AFDN: variants seen among roughly 807,000 people sequenced by gnomAD.
AFDN encodes the protein afadin, adherens junction formation factor, also known as afadin.
A neutral mutation model predicts 216.6 loss-of-function variants in AFDN; 68 were observed. The observed-to-expected ratio is 0.31, with a 90% CI of 0.26 to 0.38. The LOEUF is 0.38. Among genes scored for constraint, AFDN ranks in the 10% least tolerant of loss-of-function variants. The pLI is 1.00. For synonymous variants in AFDN, 868 were observed against 853.7 expected, an observed-to-expected ratio of 1.02 and a Z score of -0.29; for missense variants, 2,136 against 2,342.0, an observed-to-expected ratio of 0.91 and a Z score of 1.82.
chr6:167,841,609 T>C (rs184928037), intron 1 of AFDN, among the ~76,000 whole-genome samples: 146 of 152,374 alleles, frequency 9.6e-4, no homozygotes, highest in African/African-American at 3.5e-3. Context: ...GCATTTAATT[T>C]AATTTCTACT....
chr6:167,845,558 T>C (rs1781574155), intron 1 of AFDN, among the ~76,000 whole-genome samples: 1 of 152,088 alleles, frequency 6.6e-6, no homozygotes, highest in Admixed American at 6.6e-5. Flanking sequence ...GTATTTTTAG[T>C]AGAGACAGGG....
intron 20 of AFDN, 102 bp downstream of exon 20, chr6:167,917,334 T>C: frequency 8.3e-7 from 1 of 1,203,912 alleles, no homozygotes; most frequent in East Asian, 2.7e-5. Flanking sequence ...CGTTAACTTA[T>C]TTATTCTCAT....
rs954675798 is a variant in AFDN at position 167,946,889 on chromosome 6, C to T, written c.3541C>T (p.Pro1181Ser). The T allele has an allele frequency of 6.2e-7, 1 of 1,610,628 alleles. No individual in the cohort carries two copies. The highest frequency in any genetic ancestry group is 8.5e-7 in the Non-Finnish European group (1 of 1,179,190). The change falls in exon 27 of 34, where the codon CCC (proline) becomes TCC (serine). Residue 1181 changes from proline (P) to serine (S), a missense_variant. By Grantham distance (74) the Pro-to-Ser change is moderately conservative. Coordinates refer to ENST00000683244, the MANE Select transcript of AFDN (RefSeq NM_001386888.1). ...MKNRADHRSS[P>S]NVANQPPSPG... The stretch of plus-strand genomic sequence containing the variant: ...AAATAGAGCTGATCACCGTTCCAGC[C>T]CCAACGTAGCAAGTAAGAGTGACAC...
At chr6:167,882,393 T>TG (rs1203082676) in intron 6 of AFDN, among the ~76,000 whole-genome samples, 1 of 151,730 alleles carries the variant, frequency 6.6e-6, no homozygotes, top group Non-Finnish European at 1.5e-5. Flanking sequence ...AAGCCAGGCA[T>TG]GGTGGCTCAC....
intron 31 of AFDN, chr6:167,963,073 A>T: frequency 9.4e-7 from 1 of 1,068,772 alleles, no homozygotes; most frequent in East Asian, 4.9e-5. Flanking sequence ...GATACAGGAA[A>T]ATTTAGTATG....
rs1794988493 is a variant in AFDN at position 167,944,007 on chromosome 6, C to T, written c.3306C>T (p.Ile1102=). 6.2e-7 allele frequency: 1 copy of T among 1,614,056 alleles called. No individual in the cohort carries two copies. The highest frequency in any genetic ancestry group is 8.5e-7 in the Non-Finnish European group (1 of 1,180,030). Residue 1102 remains isoleucine (I), a synonymous_variant, in exon 26 of 34, where the codon ATC becomes ATT. Coordinates refer to ENST00000683244, the MANE Select transcript of AFDN (RefSeq NM_001386888.1). ...TGGAAGTAGCAAAGCAGGGTGCCAT[C>T]TACCACGGTCTGGCCACCCTTCTCA... ...VTLEVAKQGA[I]YHGLATLLNQ... is the part of the protein sequence containing the mutation.
chr6:167,902,412 G>A, intron 12 of AFDN, 26 bp downstream of exon 12: 1 of 1,549,114 alleles, frequency 6.5e-7, no homozygotes, highest in Non-Finnish European at 8.9e-7. Context: ...TTACCTGATA[G>A]AAGTGTGCTT....
At chr6:167,919,040 C>A in intron 21 of AFDN, 107 bp downstream of exon 21, 1 of 932,914 alleles carries the variant, frequency 1.1e-6, no homozygotes, top group African/African-American at 1.6e-5. Flanking sequence ...AGTGCACCCT[C>A]GTGCTGTCTG....
Position 167,917,211 on chromosome 6 carries a change from T to C in AFDN, c.2688T>C (p.Pro896=), listed in dbSNP as rs1200017389. 1 of 1,603,512 alleles carries C rather than the reference T, an allele frequency of 6.2e-7. No homozygotes were observed. ...TATTACAGAACTATCACTGTGCACC[T>C]GATGAGCCTTTTATCCCAACGGTGA... ...QALLQNYHCA[P]DEPFIPTDLI... The change falls in exon 20 of 34, where the codon CCT becomes CCC. Residue 896 remains proline (P), a synonymous_variant. Transcript: ENST00000683244.
At chr6:167,956,566 A>G (rs1796541367) in intron 30 of AFDN, among the ~76,000 whole-genome samples, 1 of 152,220 alleles carries the variant, frequency 6.6e-6, no homozygotes, top group Admixed American at 6.5e-5. Context: ...AAAGACTCAG[A>G]TATCCACCTG....
At chr6:167,915,970 C>T (rs1052447575) in intron 19 of AFDN, among the ~76,000 whole-genome samples, 3 of 152,184 alleles carry the variant, frequency 2.0e-5, no homozygotes, top group Non-Finnish European at 2.9e-5. Flanking sequence ...CTTCTGGTCC[C>T]AAGCATTTCA....
chr6:167,968,526 A>G (rs1797778317), intron 32 of AFDN: 1 of 152,642 alleles, frequency 6.6e-6, no homozygotes, highest in South Asian at 2.1e-4. Flanking sequence ...CATTGCTGTC[A>G]GTATTTGCTA....
chr6:167,858,022 A>G (rs1349514552), intron 1 of AFDN, among the ~76,000 whole-genome samples: 2 of 152,336 alleles, frequency 1.3e-5, no homozygotes, highest in East Asian at 3.9e-4. Flanking sequence ...AATGTTTTTA[A>G]TTGATTATCT....
intron 23 of AFDN, among the ~76,000 whole-genome samples, chr6:167,938,307 A>G (rs963183022): frequency 9.9e-5 from 15 of 152,168 alleles, no homozygotes; most frequent in African/African-American, 3.4e-4. Flanking sequence ...GAATGACGAG[A>G]GAGGTTCATG....
intron 23 of AFDN, among the ~76,000 whole-genome samples, chr6:167,931,727 G>A (rs1397612684): frequency 6.6e-6 from 1 of 152,120 alleles, no homozygotes; most frequent in African/African-American, 2.4e-5. Flanking sequence ...TAGAGTGGAG[G>A]TATTTTTGAG....
At chr6:167,942,571 AT>A (rs1189956760) in intron 23 of AFDN, among the ~76,000 whole-genome samples, 1 of 152,142 alleles carries the variant, frequency 6.6e-6, no homozygotes, top group Non-Finnish European at 1.5e-5. Flanking sequence ...ATGTAACAGA[AT>A]TTTATTCTTT....
chr6:167,881,171 G>T (rs1044451062), intron 6 of AFDN, among the ~76,000 whole-genome samples: 2 of 152,078 alleles, frequency 1.3e-5, no homozygotes, highest in Non-Finnish European at 2.9e-5. Context: ...TAGAGGTCTT[G>T]TGCCTCTCTT....
Position 167,918,944 on chromosome 6 carries a change from C to G in AFDN, c.2908+11C>G. The stretch of plus-strand genomic sequence containing the variant: ...CTCTGTGCCAGAGAGGTAAATTAGT[C>G]TAAATGCCTGAGTCTGAGCTACGCC... On this transcript the variant is annotated intron_variant, in intron 21 of 33. Coordinates refer to ENST00000683244, the MANE Select transcript of AFDN (RefSeq NM_001386888.1). 1 of 1,608,874 alleles carries G rather than the reference C, an allele frequency of 6.2e-7. No individual in the cohort carries two copies. The highest frequency in any genetic ancestry group is 8.5e-7 in the Non-Finnish European group (1 of 1,176,208).
chr6:167,907,238 A>C lies in AFDN; in HGVS notation c.1718A>C (p.Lys573Thr). ...AGCACAGCCGAGCGGGGAATGGTGA[A>C]GCCGATGATCAGAGTAGAACAGCAG... ...ASSTAERGMVKPMIRVEQQPD... is the reference protein window; with the variant it reads ...ASSTAERGMVTPMIRVEQQPD... Residue 573 changes from lysine (K) to threonine (T), a missense_variant, in exon 13 of 34, where the codon AAG becomes ACG. Physicochemically the swap from Lys to Thr is moderately conservative, Grantham distance 78 (BLOSUM62 -1). Around this residue, in one of 8 missense-constraint regions of AFDN, gnomAD observed 817 missense variants for 965.7 expected, o/e 0.85. Coordinates refer to ENST00000683244, the MANE Select transcript of AFDN (RefSeq NM_001386888.1). The C allele has an allele frequency of 6.2e-7, 1 of 1,614,216 alleles. No homozygotes were observed.
Sources: allele counts gnomAD v4.1 joint callset (sites outside exome capture counted in the v4.1 genomes callset), GRCh38; gene constraint gnomAD v4.1.1; regional missense constraint gnomAD v4.1.1; transcripts MANE v1.5; gene names NCBI Gene and HGNC (gene_info 2026-07-23, HGNC 2026-07-21).